NCKAP5: variants seen among roughly 807,000 people sequenced by gnomAD.
The protein encoded by NCKAP5 is nck-associated protein 5.
NCKAP5 carries 92 observed loss-of-function variants against 167.0 expected under a neutral mutation model. The ratio of observed to expected loss-of-function variants is 0.55; its 90% CI spans 0.47 to 0.66. The LOEUF is 0.66. Ranked by LOEUF, NCKAP5 falls within the 30% of genes least tolerant of loss-of-function variation. The probability of loss-of-function intolerance (pLI) is 0.00; values close to 1 mark genes in which losing one functional copy is unlikely to be tolerated. For synonymous variants in NCKAP5, 891 were observed against 877.4 expected (o/e 1.02, Z -0.27); for missense variants, 2,378 against 2,315.0 (o/e 1.03, Z -0.56).
At chr2:133,187,380 G>GT (rs2084993616) in intron 5 of NCKAP5, among the ~76,000 whole-genome samples, 1 of 151,942 alleles carries the variant, frequency 6.6e-6, no homozygotes, top group Non-Finnish European at 1.5e-5. Flanking sequence ...AAAAGACAAT[G>GT]CCATTTATAA....
intron 3 of NCKAP5, among the ~76,000 whole-genome samples, chr2:133,322,906 A>G (rs945023947): frequency 6.6e-5 from 10 of 152,206 alleles, no homozygotes; most frequent in African/African-American, 2.4e-4. Context: ...GAAAATTTGC[A>G]TTTCTAACAA....
At chr2:132,987,303 G>A (rs2077316991) in intron 7 of NCKAP5, among the ~76,000 whole-genome samples, 1 of 152,114 alleles carries the variant, frequency 6.6e-6, no homozygotes, top group East Asian at 1.9e-4. Context: ...AAGAATTATA[G>A]TCTGTGGAAT....
At chr2:132,690,001 G>T (rs751374112) in intron 19 of NCKAP5, among the ~76,000 whole-genome samples, 1 of 152,040 alleles carries the variant, frequency 6.6e-6, no homozygotes, top group African/African-American at 2.4e-5. Flanking sequence ...TCTTCTCTTT[G>T]TCTCATACTC....
intron 3 of NCKAP5, among the ~76,000 whole-genome samples, chr2:133,482,034 C>T (rs945393862): frequency 2.0e-5 from 3 of 152,072 alleles, no homozygotes; most frequent in Non-Finnish European, 4.4e-5. Context: ...TCTTTACCTC[C>T]TTATGTTCAC....
At chr2:133,080,427 T>C (rs975770581) in intron 6 of NCKAP5, among the ~76,000 whole-genome samples, 2 of 152,116 alleles carry the variant, frequency 1.3e-5, no homozygotes, top group Non-Finnish European at 2.9e-5. Context: ...TTTATTTAAA[T>C]TGGGGACTGG....
chr2:132,824,135 C>T (rs1686959359), intron 11 of NCKAP5, among the ~76,000 whole-genome samples: 1 of 151,866 alleles, frequency 6.6e-6, no homozygotes, highest in Non-Finnish European at 1.5e-5. Flanking sequence ...GCTGCAAAAA[C>T]AAACAAACAA....
chr2:133,568,010 T>C (rs1688691103), intron 1 of NCKAP5, among the ~76,000 whole-genome samples: 1 of 152,212 alleles, frequency 6.6e-6, no homozygotes, highest in South Asian at 2.1e-4. Flanking sequence ...CTGGTATTTG[T>C]TCTCAGAGAC....
intron 5 of NCKAP5, among the ~76,000 whole-genome samples, chr2:133,194,424 A>G (rs1400079097): frequency 6.6e-6 from 1 of 152,118 alleles, no homozygotes. Context: ...TCAGGAACCA[A>G]CAAGTCAGTT....
chr2:133,614,672 A>G, the NCKAP5 span, among the ~76,000 whole-genome samples: 4 of 152,242 alleles, frequency 2.6e-5, no homozygotes, highest in Non-Finnish European at 5.9e-5. Context: ...TCTACGTCTG[A>G]TTGGTATACC....
intron 3 of NCKAP5, among the ~76,000 whole-genome samples, chr2:133,420,288 A>G (rs1318013020): frequency 6.6e-6 from 1 of 152,244 alleles, no homozygotes; most frequent in African/African-American, 2.4e-5. Flanking sequence ...TAAAAAATGA[A>G]GCACTGATGT....
intron 3 of NCKAP5, among the ~76,000 whole-genome samples, chr2:133,514,900 C>T (rs1198446301): frequency 2.6e-5 from 4 of 152,074 alleles, no homozygotes; most frequent in African/African-American, 7.2e-5. Flanking sequence ...GACGAGATAA[C>T]CGATTTTCAC....
chr2:133,499,821 G>A (rs1296631311), intron 3 of NCKAP5, among the ~76,000 whole-genome samples: 1 of 152,212 alleles, frequency 6.6e-6, no homozygotes, highest in Non-Finnish European at 1.5e-5. Flanking sequence ...GCCTCCCAAA[G>A]TGCTGGGATT....
chr2:133,668,847 G>A, the NCKAP5 span, among the ~76,000 whole-genome samples: 2 of 151,850 alleles, frequency 1.3e-5, no homozygotes, highest in South Asian at 4.1e-4. Flanking sequence ...CTCATAATGC[G>A]TATACTGGTA....
chr2:132,975,353 T>A (rs1454381070), intron 7 of NCKAP5, among the ~76,000 whole-genome samples: 1 of 152,190 alleles, frequency 6.6e-6, no homozygotes, highest in East Asian at 1.9e-4. Context: ...CACTGACATA[T>A]CAATCCACAT....
rs1480759122 is a variant in NCKAP5 at position 132,725,726 on chromosome 2, T to C, written c.5614A>G (p.Ser1872Gly). The C allele has an allele frequency of 2.5e-6, 4 of 1,613,708 alleles. No homozygotes were observed. The highest frequency in any genetic ancestry group is 3.4e-6 in the Non-Finnish European group (4 of 1,179,820). ...TCACTGTCACTATTACTGCCACCGC[T>C]GGCAGAGTACGTACACATTCTGGGT... Reference protein sequence around the residue: ...KAPRMCTYSASGGSNSDSDLD... With the variant: ...KAPRMCTYSAGGGSNSDSDLD... The change falls in exon 19 of 20, where the codon AGC becomes GGC. Residue 1872 changes from serine to glycine, a missense_variant. By Grantham distance (56) the Ser-to-Gly change is moderately conservative. Around this residue, in one of 3 missense-constraint regions of NCKAP5, gnomAD observed 1,325 missense variants for 1,274.5 expected, o/e 1.04. Transcript: ENST00000409261.
At chr2:133,027,699 T>A (rs1172972401) in intron 6 of NCKAP5, among the ~76,000 whole-genome samples, 1 of 152,242 alleles carries the variant, frequency 6.6e-6, no homozygotes, top group Non-Finnish European at 1.5e-5. Context: ...AGAAGAAACA[T>A]ATTTTTCTTA....
chr2:133,017,229 T>G (rs2078369544), intron 6 of NCKAP5, among the ~76,000 whole-genome samples: 1 of 152,258 alleles, frequency 6.6e-6, no homozygotes, highest in South Asian at 2.1e-4. Flanking sequence ...CTATGTTTTC[T>G]GAAGGCAACT....
At chr2:133,393,422 C>A (rs1252104737) in intron 3 of NCKAP5, among the ~76,000 whole-genome samples, 2 of 152,124 alleles carry the variant, frequency 1.3e-5, no homozygotes, top group African/African-American at 4.8e-5. Context: ...TCACTAGAGG[C>A]CCTGGAAATA....
intron 3 of NCKAP5, among the ~76,000 whole-genome samples, chr2:133,387,059 T>C (rs1314110790): frequency 1.3e-5 from 2 of 152,210 alleles, no homozygotes; most frequent in East Asian, 1.9e-4. Flanking sequence ...AAGGTTAATA[T>C]AGTTATGTGT....
Sources: allele counts gnomAD v4.1 joint callset (sites outside exome capture counted in the v4.1 genomes callset), GRCh38; gene constraint gnomAD v4.1.1; regional missense constraint gnomAD v4.1.1; transcripts MANE v1.5; gene names NCBI Gene and HGNC (gene_info 2026-07-23, HGNC 2026-07-21).